Variants in ARL15 observed in about 807,000 individuals in gnomAD.
The protein encoded by ARL15 is ADP-ribosylation factor-like protein 15.
In ARL15, 19 loss-of-function variants were observed where a neutral mutation model predicts 25.2. The observed-to-expected ratio is 0.75, with a 90% confidence interval of 0.53 to 1.10. The LOEUF is 1.10. Among genes scored for constraint, ARL15 ranks in the 50% least tolerant of loss-of-function variants. The pLI is 0.00. For missense variants in ARL15, 220 were observed against 246.0 expected (o/e 0.89, Z 0.71); for synonymous variants, 94 against 86.8 (o/e 1.08, Z -0.46).
At chr5:53,961,201 T>G (rs1467432203) in intron 4 of ARL15, among the ~76,000 whole-genome samples, 4 of 152,020 alleles carry the variant, frequency 2.6e-5, no homozygotes, top group Non-Finnish European at 5.9e-5. Flanking sequence ...TAGAAATAAT[T>G]ATATATACAA....
At chr5:54,284,982 T>C (rs1182048457) in intron 1 of ARL15, among the ~76,000 whole-genome samples, 1 of 152,204 alleles carries the variant, frequency 6.6e-6, no homozygotes, top group Non-Finnish European at 1.5e-5. Flanking sequence ...ATATAGATGC[T>C]ATATTTGCAA....
At chr5:53,958,213 CA>C (rs965490016) in intron 4 of ARL15, among the ~76,000 whole-genome samples, 53 of 150,588 alleles carry the variant, frequency 3.5e-4, no homozygotes, top group African/African-American at 1.2e-3. Flanking sequence ...AAGACAAATG[CA>C]AAAAACATTT....
At chr5:54,147,676 T>A (rs887757970) in intron 3 of ARL15, among the ~76,000 whole-genome samples, 7 of 152,166 alleles carry the variant, frequency 4.6e-5, no homozygotes, top group Non-Finnish European at 1.0e-4. Context: ...TTTCTCACCA[T>A]CCCTCCCATG....
intron 3 of ARL15, among the ~76,000 whole-genome samples, chr5:54,147,722 G>C (rs139902315): frequency 6.6e-6 from 1 of 152,142 alleles, no homozygotes; most frequent in Non-Finnish European, 1.5e-5. Flanking sequence ...AACACTTTTC[G>C]AATAGCAAGT....
At chr5:54,003,791 A>G (rs966146364) in intron 4 of ARL15, among the ~76,000 whole-genome samples, 1 of 152,178 alleles carries the variant, frequency 6.6e-6, no homozygotes, top group Admixed American at 6.5e-5. Context: ...AAAACGAAAA[A>G]CAAACACCAA....
intron 3 of ARL15, among the ~76,000 whole-genome samples, chr5:54,115,417 G>T (rs903541603): frequency 9.9e-5 from 15 of 152,074 alleles, no homozygotes; most frequent in Non-Finnish European, 5.9e-5. Context: ...GGGTAGCTGG[G>T]ACTAAAGGCA....
At chr5:54,236,791 A>G (rs890824745) in intron 1 of ARL15, among the ~76,000 whole-genome samples, 1 of 152,194 alleles carries the variant, frequency 6.6e-6, no homozygotes, top group Non-Finnish European at 1.5e-5. Context: ...GCCTACTTCC[A>G]TTAATATTTG....
At chr5:54,137,269 T>C (rs901198737) in intron 3 of ARL15, among the ~76,000 whole-genome samples, 13 of 152,152 alleles carry the variant, frequency 8.5e-5, no homozygotes, top group Non-Finnish European at 1.6e-4. Context: ...GTCCTGCACT[T>C]GCCCCTTGTG....
intron 1 of ARL15, among the ~76,000 whole-genome samples, chr5:54,309,955 T>A (rs1326050927): frequency 5.9e-5 from 9 of 152,116 alleles, no homozygotes; most frequent in Non-Finnish European, 1.0e-4. Context: ...ACGACCGAGG[T>A]CATAGCTTTA....
intron 1 of ARL15, among the ~76,000 whole-genome samples, chr5:54,234,792 G>C (rs1561277726): frequency 6.6e-6 from 1 of 152,116 alleles, no homozygotes; most frequent in Non-Finnish European, 1.5e-5. Context: ...AAATTTATTG[G>C]ATTGTCAGAA....
At chr5:54,310,372 G>A (rs1156461878) in intron 1 of ARL15, 60 bp downstream of exon 1, 6 of 1,557,606 alleles carry the variant, frequency 3.9e-6, no homozygotes, top group African/African-American at 2.7e-5. Flanking sequence ...CCTCAAGGCA[G>A]GGGGCCATCG....
At chr5:54,204,545 A>C (rs1215424575) in intron 1 of ARL15, among the ~76,000 whole-genome samples, 1 of 152,134 alleles carries the variant, frequency 6.6e-6, no homozygotes, top group Non-Finnish European at 1.5e-5. Context: ...TTAACTCCAG[A>C]CTGTGGCCTT....
intron 1 of ARL15, among the ~76,000 whole-genome samples, chr5:54,301,267 G>GA (rs1245370385): frequency 1.3e-5 from 2 of 151,844 alleles, no homozygotes; most frequent in Admixed American, 6.6e-5. Context: ...TTTTTTTAGG[G>GA]AAAAAAGCAA....
chr5:53,919,928 C>T (rs1745791586), intron 4 of ARL15, among the ~76,000 whole-genome samples: 2 of 152,162 alleles, frequency 1.3e-5, no homozygotes, highest in African/African-American at 4.8e-5. Context: ...ATGTCTTTAG[C>T]TTCCTAATTT....
At chr5:54,270,964 G>A (rs1208088010) in intron 1 of ARL15, among the ~76,000 whole-genome samples, 1 of 152,176 alleles carries the variant, frequency 6.6e-6, no homozygotes, top group East Asian at 1.9e-4. Flanking sequence ...CAGGAAAAAG[G>A]TGAATGTGTC....
At chr5:54,284,533 T>G (rs1159196441) in intron 1 of ARL15, among the ~76,000 whole-genome samples, 1 of 152,272 alleles carries the variant, frequency 6.6e-6, no homozygotes, top group East Asian at 1.9e-4. Context: ...GCACCTATCA[T>G]GAGAGAATTA....
intron 1 of ARL15, among the ~76,000 whole-genome samples, chr5:54,188,358 G>C (rs187816739): frequency 2.4e-4 from 37 of 152,220 alleles, no homozygotes; most frequent in African/African-American, 8.9e-4. Context: ...TTTGCTTGGT[G>C]AATCTGTGGA....
chr5:54,245,891 G>A (rs896836871), intron 1 of ARL15, among the ~76,000 whole-genome samples: 4 of 152,138 alleles, frequency 2.6e-5, no homozygotes, highest in Non-Finnish European at 5.9e-5. Flanking sequence ...CCTGGCCTAG[G>A]ATGTGGACTT....
chr5:54,043,277 TCC>T (rs936579119), intron 4 of ARL15, among the ~76,000 whole-genome samples: 2 of 152,150 alleles, frequency 1.3e-5, no homozygotes, highest in Non-Finnish European at 2.9e-5. Flanking sequence ...ACAATTACCT[TCC>T]CAGAGCTAGG....
Sources: allele counts gnomAD v4.1 joint callset (sites outside exome capture counted in the v4.1 genomes callset), GRCh38; gene constraint gnomAD v4.1.1; transcripts MANE v1.5; gene names NCBI Gene and HGNC (gene_info 2026-07-23, HGNC 2026-07-21).